The following TMIE variants were observed in gnomAD, a reference collection of about 807,000 sequenced individuals.
TMIE encodes the protein transmembrane inner ear expressed protein.
Under a neutral mutation model 16.8 loss-of-function variants are expected in TMIE, and 14 were observed. That is an observed-to-expected ratio of 0.83 (90% CI 0.55 to 1.30). TMIE has a LOEUF of 1.30. Among genes scored for constraint, TMIE ranks in the 50% most tolerant of loss-of-function variants. The pLI is 0.00. For missense variants in TMIE, 204 were observed against 205.9 expected (o/e 0.99, Z 0.06); for synonymous variants, 75 against 87.2 (o/e 0.86, Z 0.78).
At chr3:46,709,356 C>T (rs760372187) in intron 3 of TMIE, 81 bp downstream of exon 3, 77 of 1,608,168 alleles carry the variant, frequency 4.8e-5, no homozygotes, top group Non-Finnish European at 6.0e-5. Context: ...TTCCTCTGCT[C>T]CAACCAAAGC....
At chr3:46,708,003 A>T (rs1273801232) in intron 2 of TMIE, among the ~76,000 whole-genome samples, 1 of 152,138 alleles carries the variant, frequency 6.6e-6, no homozygotes, top group Non-Finnish European at 1.5e-5. Flanking sequence ...GGACAGTCGG[A>T]TCTATAGCTG....
At chr3:46,704,743 GCAGGACCA>G (rs1700529005) in intron 1 of TMIE, among the ~76,000 whole-genome samples, 1 of 52,530 alleles carries the variant, frequency 1.9e-5, no homozygotes. Context: ...GACACCCAGG[GCAGGACCA>G]TGTCCCCTAG....
intron 2 of TMIE, among the ~76,000 whole-genome samples, chr3:46,708,592 G>T (rs545037257): frequency 2.0e-4 from 31 of 152,398 alleles, no homozygotes; most frequent in African/African-American, 7.0e-4. Flanking sequence ...TCAGGGCAGG[G>T]TCTGTGCCCT....
At chr3:46,698,540 G>A (rs1700430029), upstream of TMIE, among the ~76,000 whole-genome samples, 1 of 151,344 alleles carries the variant, frequency 6.6e-6, no homozygotes, top group East Asian at 1.9e-4. Flanking sequence ...TCCTGCCTTG[G>A]TCTCCCAAAG....
intron 1 of TMIE, among the ~76,000 whole-genome samples, chr3:46,703,210 G>C (rs1327879909): frequency 1.3e-5 from 2 of 152,096 alleles, no homozygotes; most frequent in Non-Finnish European, 2.9e-5. Flanking sequence ...GAAGGAGGTG[G>C]GGACCTCCAT....
chr3:46,700,245 G>T (rs2106773250), upstream of TMIE, among the ~76,000 whole-genome samples: 1 of 152,316 alleles, frequency 6.6e-6, no homozygotes, highest in East Asian at 1.9e-4. Flanking sequence ...TTCTCCAACA[G>T]CTCTCGTTTT....
chr3:46,706,128 A>G (rs1276478839), intron 2 of TMIE, among the ~76,000 whole-genome samples: 1 of 152,244 alleles, frequency 6.6e-6, no homozygotes, highest in Admixed American at 6.5e-5. Flanking sequence ...CCAGGGAGGT[A>G]GCCACATGGC....
upstream of TMIE, among the ~76,000 whole-genome samples, chr3:46,697,132 A>AC (rs397810231): frequency 2.0e-5 from 3 of 151,060 alleles, no homozygotes; most frequent in African/African-American, 4.9e-5. Context: ...GGAAAAAAAA[A>AC]CCCATGTGGT....
chr3:46,701,445 C>G lies in TMIE; in HGVS notation c.-43C>G, dbSNP rs1459989830. On this transcript the variant is annotated 5_prime_UTR_variant, in exon 1 of 4. Coordinates refer to ENST00000643606, the MANE Select transcript of TMIE (RefSeq NM_147196.3). The surrounding 1 kb of genome is among the most constrained non-coding windows in gnomAD (Gnocchi z 4.3). ...GGCAGGGGCAGTGACCGGCGGCCGG[C>G]CCGTTCGTCCCTGGGCTCCGCAAGC... is the stretch of plus-strand genomic sequence containing the variant. 2 of 1,411,468 alleles carry G rather than the reference C, an allele frequency of 1.4e-6. No individual in the cohort carries two copies. The highest frequency in any genetic ancestry group is 1.9e-6 in the Non-Finnish European group (2 of 1,078,336). The allele number at this position is 1,411,468 out of a possible 1,614,324, so 87.4% of individuals were successfully genotyped here.
chr3:46,709,417 T>A (rs1001653865), intron 3 of TMIE, 142 bp downstream of exon 3: 1 of 1,598,814 alleles, frequency 6.3e-7, no homozygotes, highest in African/African-American at 1.3e-5. Flanking sequence ...AGCACAGAAA[T>A]TGGTTGGCAT....
upstream of TMIE, among the ~76,000 whole-genome samples, chr3:46,697,255 C>G (rs1700419340): frequency 6.6e-6 from 1 of 152,224 alleles, no homozygotes; most frequent in Non-Finnish European, 1.5e-5. Context: ...AACGGAATCT[C>G]TCTGACCTTC....
rs368701214 is a variant in TMIE, at chr3:46,709,286, C to T, written c.361+11C>T. The T allele has an allele frequency of 1.3e-4, 206 of 1,613,704 alleles. No homozygotes were observed. Among genetic ancestry groups the T allele is most frequent in the Non-Finnish European group, 1.7e-4 (204 of 1,180,008 alleles). Reference sequence around the variant, plus strand: ...CAGAAGTCCCAGGAGGTGAGTTGGCCCTGGCTTGAGCCCTGCTGCGCCAGC... The same window carrying T: ...CAGAAGTCCCAGGAGGTGAGTTGGCTCTGGCTTGAGCCCTGCTGCGCCAGC... On this transcript the variant is annotated intron_variant, in intron 3 of 3. Transcript: ENST00000643606.
In TMIE at chr3:46,709,109, C is replaced by G; in HGVS notation, c.212-17C>G. ...TGAACCCCAGCCCCAGCCAAGCCTG[C>G]TCTGTCCTCCCTACAGTCATCACGC... is the stretch of plus-strand genomic sequence containing the variant. On this transcript the variant is annotated splice_polypyrimidine_tract_variant and intron_variant, in intron 2 of 3. Coordinates refer to ENST00000643606, the MANE Select transcript of TMIE (RefSeq NM_147196.3). The G allele has an allele frequency of 5.6e-6, 9 of 1,613,984 alleles. No individual in the cohort carries two copies. The highest frequency in any genetic ancestry group is 7.6e-6 in the Non-Finnish European group (9 of 1,180,024).
chr3:46,697,571 A>G (rs1700422090), upstream of TMIE, among the ~76,000 whole-genome samples: 1 of 152,154 alleles, frequency 6.6e-6, no homozygotes. Context: ...TAAGCCAGTA[A>G]AAGTCAGTCA....
Position 46,710,147 on chromosome 3 carries a change from CTG to C in TMIE, c.*460_*461del, listed in dbSNP as rs1700603657. ...AGCCATGAGGAGGCAGAGAGGGTCA[CTG>C]GGGGACACTGTGGCAGCAGGAGGGA... On this transcript the variant is annotated 3_prime_UTR_variant, in exon 4 of 4. Transcript: ENST00000643606. 1 of 252,370 alleles carries C rather than the reference CTG, an allele frequency of 4.0e-6. No homozygotes were observed. Among genetic ancestry groups the C allele is most frequent in the African/African-American group, 2.2e-5 (1 of 45,602 alleles). The allele number at this position is 252,370 out of a possible 1,614,324, so 15.6% of individuals were successfully genotyped here.
At chr3:46,707,455 G>C (rs1700566571) in intron 2 of TMIE, among the ~76,000 whole-genome samples, 1 of 152,214 alleles carries the variant, frequency 6.6e-6, no homozygotes, top group East Asian at 1.9e-4. Context: ...TCTAGGCAGT[G>C]GGGGCAACAC....
upstream of TMIE, among the ~76,000 whole-genome samples, chr3:46,697,680 G>GCCAGACTGGCAATCAGACA (rs1700422742): frequency 6.6e-6 from 1 of 152,172 alleles, no homozygotes; most frequent in Admixed American, 6.5e-5. Context: ...AGTTCCAGAG[G>GCCAGACTGGCAATCAGACA]CCAGACTGGC....
At position 46,710,619 on chromosome 3, in the gene TMIE, G is replaced by C. The variant is rs1219148709; in HGVS notation, c.*931G>C. 2 of 152,262 alleles carry C rather than the reference G, an allele frequency of 1.3e-5. No individual in the cohort carries two copies. Among genetic ancestry groups the C allele is most frequent in the Non-Finnish European group, 2.9e-5 (2 of 68,058 alleles). The allele number at this position is 152,262 out of a possible 1,614,324, so 9.4% of individuals were successfully genotyped here. A position where few individuals can be genotyped will look rare whatever the true frequency, so the allele number is the denominator to read the frequency against. The stretch of plus-strand genomic sequence containing the variant: ...GGCCTTCTGCCTGCTGACCATAACA[G>C]TGCCAGCTTCTTTGCAGCTTCCTCT... On this transcript the variant is annotated 3_prime_UTR_variant, in exon 4 of 4. Transcript: ENST00000643606.
chr3:46,698,950 G>C (rs1700438179), upstream of TMIE, among the ~76,000 whole-genome samples: 1 of 151,050 alleles, frequency 6.6e-6, no homozygotes, highest in African/African-American at 2.4e-5. Flanking sequence ...CCCAGTGTTA[G>C]GATTACAGGC....
Sources: allele counts gnomAD v4.1 joint callset (sites outside exome capture counted in the v4.1 genomes callset), GRCh38; gene constraint gnomAD v4.1.1; non-coding constraint Gnocchi (gnomAD v3.1); transcripts MANE v1.5; gene names NCBI Gene and HGNC (gene_info 2026-07-23, HGNC 2026-07-21).